HERC4: variants seen among roughly 807,000 people sequenced by gnomAD.
HERC4 encodes probable E3 ubiquitin-protein ligase HERC4.
In HERC4, 28 loss-of-function variants were observed where a neutral mutation model predicts 124.3. The ratio of observed to expected loss-of-function variants is 0.23; its 90% CI spans 0.17 to 0.31. HERC4 has a LOEUF of 0.31. Among genes scored for constraint, HERC4 ranks in the 10% least tolerant of loss-of-function variants. HERC4 has a pLI of 1.00. For missense variants in HERC4, 713 were observed against 1,229.3 expected (o/e 0.58, Z 6.28); for synonymous variants, 407 against 421.5 (o/e 0.97, Z 0.42).
rs190482217 is a variant in HERC4 at position 68,020,214 on chromosome 10, T to C, written c.908+5332A>G. Among the ~76,000 whole-genome samples, 4 of 152,220 alleles carry C rather than the reference T, an allele frequency of 2.6e-5. No homozygotes were observed. In the East Asian group the frequency reaches 7.7e-4, roughly 29 times the overall value. On this transcript the variant is annotated intron_variant, in intron 8 of 24. Transcript: ENST00000373700. The stretch of plus-strand genomic sequence containing the variant: ...ACTCTGGCAAAGGGGGAGAATCTGA[T>C]TTCCAGTTACCATATTATTAAATGT...
chr10:67,924,796 A>C (rs1044587409), intron 24 of HERC4, among the ~76,000 whole-genome samples: 10 of 152,214 alleles, frequency 6.6e-5, no homozygotes, highest in Non-Finnish European at 1.3e-4. Flanking sequence ...TTAGAAATCT[A>C]AAAGGAATTC....
At chr10:68,013,680 C>A (rs2038100171) in intron 9 of HERC4, among the ~76,000 whole-genome samples, 1 of 152,136 alleles carries the variant, frequency 6.6e-6, no homozygotes, top group African/African-American at 2.4e-5. Context: ...CGTGAATATG[C>A]TTAATGCTAC....
rs543589800 is a variant in HERC4, at chr10:68,011,022, T to A, written c.1069+3004A>T. Among the ~76,000 whole-genome samples, 3 of 152,174 alleles carry A rather than the reference T, an allele frequency of 2.0e-5. No homozygotes were observed. In the East Asian group the frequency reaches 5.8e-4, roughly 29 times the overall value. Reference sequence around the variant, plus strand: ...TGAGCCCCTCAGTCATCCATGAAGGTTGGAATAAAATTCTTCCAAACTCTT... The same window carrying A: ...TGAGCCCCTCAGTCATCCATGAAGGATGGAATAAAATTCTTCCAAACTCTT... On this transcript the variant is annotated intron_variant, in intron 9 of 24. Transcript: ENST00000373700.
chr10:67,945,621 T>TA (rs34105506), intron 19 of HERC4, among the ~76,000 whole-genome samples: 71,180 of 151,700 alleles, frequency 0.47, 20,701 homozygotes, highest in Non-Finnish European at 0.66. Context: ...CATGAACCAA[T>TA]AAAAAATAAT....
intron 23 of HERC4, among the ~76,000 whole-genome samples, chr10:67,925,759 A>C (rs930238450): frequency 3.3e-5 from 5 of 151,840 alleles, no homozygotes; most frequent in Non-Finnish European, 1.5e-5. Context: ...TGGATCACTC[A>C]CTCTGGGGGA....
chr10:68,059,558 TATC>T (rs2040771869), intron 3 of HERC4, among the ~76,000 whole-genome samples: 1 of 97,136 alleles, frequency 1.0e-5, no homozygotes, highest in Non-Finnish European at 1.9e-5. Flanking sequence ...TCATAATATA[TATC>T]ATAATATTAT....
At chr10:67,955,983 C>A (rs555503318) in intron 17 of HERC4, 1 of 152,038 alleles carries the variant, frequency 6.6e-6, no homozygotes, top group Non-Finnish European at 1.5e-5. Flanking sequence ...ATTAACTTAT[C>A]GTTTTAACAA....
chr10:67,947,751 A>G (rs1165392941), intron 19 of HERC4, among the ~76,000 whole-genome samples: 2 of 152,066 alleles, frequency 1.3e-5, no homozygotes, highest in African/African-American at 4.8e-5. Flanking sequence ...ATAAAAAATT[A>G]TCTTCTCATA....
At chr10:67,996,065 G>T (rs1181478288) in intron 9 of HERC4, 3 of 416,756 alleles carry the variant, frequency 7.2e-6, no homozygotes, top group Non-Finnish European at 1.4e-5. Context: ...CAGCACTTTG[G>T]GAAGCCAAGG....
chr10:68,065,437 G>A (rs908034281), intron 3 of HERC4, among the ~76,000 whole-genome samples: 2 of 152,260 alleles, frequency 1.3e-5, no homozygotes, highest in South Asian at 4.1e-4. Context: ...ATTCCAGAAT[G>A]TCTTATGGCC....
intron 19 of HERC4, among the ~76,000 whole-genome samples, chr10:67,946,583 T>G (rs2033372444): frequency 6.6e-6 from 1 of 151,968 alleles, no homozygotes; most frequent in South Asian, 2.1e-4. Context: ...TATATAATGA[T>G]AAAGGGGTCA....
At chr10:68,055,936 GA>G (rs1271761084) in intron 3 of HERC4, among the ~76,000 whole-genome samples, 3 of 151,230 alleles carry the variant, frequency 2.0e-5, no homozygotes, top group African/African-American at 2.4e-5. Context: ...ATTTTTAGTA[GA>G]GGGGGGGTTT....
At chr10:68,032,737 C>T (rs754177289) in intron 7 of HERC4, 41 bp downstream of exon 7, 10 of 979,320 alleles carry the variant, frequency 1.0e-5, no homozygotes, top group African/African-American at 8.0e-5. Flanking sequence ...TATGAAAGAA[C>T]TATGATGAGT....
chr10:68,044,448 T>C lies in HERC4; in HGVS notation c.342A>G (p.Gly114=), dbSNP rs1215770491. 6.2e-7 allele frequency: 1 copy of C among 1,614,124 alleles called. No homozygotes were observed. Among genetic ancestry groups the C allele is most frequent in the Non-Finnish European group, 8.5e-7 (1 of 1,180,022 alleles). Reference sequence around the variant, plus strand: ...CCTCTGATCCTACCAGGCCAAGCTGTCCATCAGAATCGAGACCCCAAGCAT... The same window carrying C: ...CCTCTGATCCTACCAGGCCAAGCTGCCCATCAGAATCGAGACCCCAAGCAT... The part of the protein sequence containing the change: ...QVYAWGLDSD[G]QLGLVGSEEC... The change falls in exon 4 of 25, where the codon GGA becomes GGG. Residue 114 remains glycine (G), a synonymous_variant. Coordinates refer to ENST00000373700, the MANE Select transcript of HERC4 (RefSeq NM_015601.4).
chr10:67,962,373 G>A (rs562625181), intron 16 of HERC4, among the ~76,000 whole-genome samples: 22 of 152,190 alleles, frequency 1.4e-4, no homozygotes, highest in African/African-American at 5.1e-4. Flanking sequence ...ACTACTACAT[G>A]TAAGTAGATA....
At chr10:67,984,698 T>G (rs2036158749) in intron 15 of HERC4, among the ~76,000 whole-genome samples, 1 of 152,318 alleles carries the variant, frequency 6.6e-6, no homozygotes, top group African/African-American at 2.4e-5. Context: ...TTCTCCTGCC[T>G]CAGCCTTCTG....
chr10:67,968,319 T>C (rs923428105), intron 15 of HERC4, among the ~76,000 whole-genome samples: 2 of 150,664 alleles, frequency 1.3e-5, no homozygotes, highest in Non-Finnish European at 3.0e-5. Flanking sequence ...AATAAATAAA[T>C]AAATAAATAA....
At chr10:67,927,405 TATATATATATATA>T (rs2031159981) in intron 23 of HERC4, among the ~76,000 whole-genome samples, 1 of 10,970 alleles carries the variant, frequency 9.1e-5, no homozygotes, top group African/African-American at 2.5e-4. Context: ...TATATATATA[TATATATATATATA>T]TATATATATA....
Position 67,946,568 on chromosome 10 carries a change from G to A in HERC4, c.2338-5463C>T, listed in dbSNP as rs141454517. On this transcript the variant is annotated intron_variant, in intron 19 of 24. Coordinates refer to ENST00000373700, the MANE Select transcript of HERC4 (RefSeq NM_015601.4). ...AAAACTATAGAAGAAGACAAAGAAG[G>A]TCATTATATAATGATAAAGGGGTCA... 1.1e-4 allele frequency among the ~76,000 whole-genome samples: 17 copies of A among 152,104 alleles called. No homozygotes were observed. The East Asian group carries it at 3.3e-3, about 29-fold the overall frequency.
Sources: allele counts gnomAD v4.1 joint callset (sites outside exome capture counted in the v4.1 genomes callset), GRCh38; gene constraint gnomAD v4.1.1; transcripts MANE v1.5; gene names NCBI Gene and HGNC (gene_info 2026-07-23, HGNC 2026-07-21).